DNMT1: variants seen among roughly 807,000 people sequenced by gnomAD.
DNMT1 encodes the protein DNA (cytosine-5)-methyltransferase 1.
DNMT1 carries 24 observed loss-of-function variants against 205.3 expected under a neutral mutation model. The observed-to-expected ratio is 0.12, with a 90% CI of 0.08 to 0.16. The LOEUF (loss-of-function observed/expected upper bound fraction) is 0.16, where lower values mean the gene tolerates loss of function less well. Among genes scored for constraint, DNMT1 ranks in the 10% least tolerant of loss-of-function variants. The probability of loss-of-function intolerance (pLI) is 1.00; values close to 1 mark genes in which losing one functional copy is unlikely to be tolerated. For missense variants in DNMT1, 1,293 were observed against 2,177.7 expected (o/e 0.59, Z 8.09); for synonymous variants, 817 against 839.8 (o/e 0.97, Z 0.47).
rs182727383 is a variant in DNMT1, at chr19:10,183,987, G to A, written c.81-1910C>T. Among the ~76,000 whole-genome samples the A allele has an allele frequency of 8.5e-5, 13 of 152,322 alleles. No homozygotes were observed. In the East Asian group the frequency reaches 2.1e-3, roughly 25 times the overall value. On this transcript the variant is annotated intron_variant, in intron 1 of 40. Coordinates refer to ENST00000359526, the MANE Select transcript of DNMT1 (RefSeq NM_001130823.3). Reference sequence around the variant, plus strand: ...GAAGATCACCTGAGCCTGGGAGGTCGAGGCCACAGTGAGCCGTGATTGCAT... The same window carrying A: ...GAAGATCACCTGAGCCTGGGAGGTCAAGGCCACAGTGAGCCGTGATTGCAT...
Position 10,140,513 on chromosome 19 carries a change from G to C in DNMT1, c.3524-185C>G, listed in dbSNP as rs2089580861. Reference sequence around the variant, plus strand: ...GCCTCCTGAGTAGCTGGGACTACAGGCACACACCACCACGCCCAGCTAATT... The same window carrying C: ...GCCTCCTGAGTAGCTGGGACTACAGCCACACACCACCACGCCCAGCTAATT... On this transcript the variant is annotated intron_variant, in intron 32 of 40. Coordinates refer to ENST00000359526, the MANE Select transcript of DNMT1 (RefSeq NM_001130823.3). The surrounding 1 kb of genome is among the most constrained non-coding windows in gnomAD (Gnocchi z 8.4). The C allele has an allele frequency of 2.1e-6, 2 of 948,488 alleles. No individual in the cohort carries two copies. Among genetic ancestry groups the C allele is most frequent in the Admixed American group, 4.6e-5 (2 of 43,654 alleles). 58.8% of individuals were successfully genotyped at this position (948,488 alleles called of 1,614,324 possible). A position where few individuals can be genotyped will look rare whatever the true frequency, so the allele number is the denominator to read the frequency against.
intron 22 of DNMT1, among the ~76,000 whole-genome samples, chr19:10,152,200 A>G (rs1267641084): frequency 1.3e-5 from 2 of 149,022 alleles, no homozygotes; most frequent in Non-Finnish European, 3.0e-5. Context: ...GGAAAAAAAA[A>G]GGGCAAATCA....
chr19:10,160,266 C>T (rs1412675553), intron 14 of DNMT1, 118 bp downstream of exon 14: 6 of 1,549,952 alleles, frequency 3.9e-6, no homozygotes, highest in Non-Finnish European at 5.3e-6. Flanking sequence ...TTCACCAACC[C>T]GATCCAAAAT....
chr19:10,182,364 T>C (rs2039066207), intron 1 of DNMT1, among the ~76,000 whole-genome samples: 1 of 150,348 alleles, frequency 6.7e-6, no homozygotes, highest in Non-Finnish European at 1.5e-5. Context: ...TGTGTATGTG[T>C]GTGTGTGTGT....
At chr19:10,141,993 C>A in intron 30 of DNMT1, 35 bp downstream of exon 30, 1 of 1,609,196 alleles carries the variant, frequency 6.2e-7, no homozygotes, top group Non-Finnish European at 8.5e-7. Flanking sequence ...CAACTTTGAC[C>A]CCGAAGCCTT....
intron 7 of DNMT1, among the ~76,000 whole-genome samples, chr19:10,175,133 A>G (rs2145364754): frequency 6.7e-6 from 1 of 149,568 alleles, no homozygotes; most frequent in East Asian, 2.0e-4. Context: ...ACACACATAT[A>G]TATAACATGT....
intron 13 of DNMT1, among the ~76,000 whole-genome samples, chr19:10,162,338 C>T (rs1044039797): frequency 2.6e-5 from 4 of 151,176 alleles, no homozygotes; most frequent in Non-Finnish European, 4.4e-5. Flanking sequence ...AGTGCGATCT[C>T]GGCTCACTGC....
In DNMT1 at chr19:10,173,843, A is replaced by G. The variant is rs370529070; in HGVS notation, c.683+28T>C. On this transcript the variant is annotated intron_variant, in intron 8 of 40. Coordinates refer to ENST00000359526, the MANE Select transcript of DNMT1 (RefSeq NM_001130823.3). ...TCAAGATTACACAACTCGTAGAACAAAAAGAAAGGTATAGTAACTATTCTT... is the reference window on the plus strand; with the variant it reads ...TCAAGATTACACAACTCGTAGAACAGAAAGAAAGGTATAGTAACTATTCTT... 71 of 1,612,900 alleles carry G rather than the reference A, an allele frequency of 4.4e-5. No individual in the cohort carries two copies. The African/African-American group carries it at 8.9e-4, about 20-fold the overall frequency.
At chr19:10,179,364 C>A (rs1018201460) in intron 5 of DNMT1, among the ~76,000 whole-genome samples, 2 of 151,574 alleles carry the variant, frequency 1.3e-5, no homozygotes, top group African/African-American at 2.4e-5. Context: ...GTTGCCCAGG[C>A]TGGAATTACA....
chr19:10,163,111 G>A (rs1322476924), intron 12 of DNMT1: 11 of 605,420 alleles, frequency 1.8e-5, no homozygotes, highest in East Asian at 1.7e-4. Context: ...ATAGGCACCC[G>A]CCACCACACC....
At position 10,139,648 on chromosome 19, in the gene DNMT1, G is replaced by C. The variant is rs377501892; in HGVS notation, c.3948+28C>G. 4.5e-5 allele frequency: 73 copies of C among 1,607,852 alleles called. No homozygotes were observed. In the African/African-American group the frequency reaches 7.9e-4, roughly 17 times the overall value. On this transcript the variant is annotated intron_variant, in intron 34 of 40. Coordinates refer to ENST00000359526, the MANE Select transcript of DNMT1 (RefSeq NM_001130823.3). The stretch of plus-strand genomic sequence containing the variant: ...GCCGGGTCACGTGCTGGCCACATCT[G>C]TCTGCCCGCCCCAGCCCCAGGGCCC...
chr19:10,136,084 C>G, intron 38 of DNMT1, 37 bp downstream of exon 38: 1 of 1,613,374 alleles, frequency 6.2e-7, no homozygotes, highest in Non-Finnish European at 8.5e-7. Flanking sequence ...AAGTACAGGG[C>G]CTGACCCAGG....
At chr19:10,160,485 T>C (rs1344709708) in intron 13 of DNMT1, 67 bp from the exon 14 acceptor site, 1 of 1,554,870 alleles carries the variant, frequency 6.4e-7, no homozygotes, top group Non-Finnish European at 8.9e-7. Flanking sequence ...AGTGCTTCGG[T>C]GTTAAGAACT....
At chr19:10,155,562 C>G (rs975003250) in intron 19 of DNMT1, among the ~76,000 whole-genome samples, 60 of 151,996 alleles carry the variant, frequency 3.9e-4, no homozygotes, top group African/African-American at 1.4e-3. Flanking sequence ...AGGCTGGTCT[C>G]GAATTCCTGG....
chr19:10,150,493 G>C (rs1003694059), intron 24 of DNMT1, among the ~76,000 whole-genome samples: 8 of 152,132 alleles, frequency 5.3e-5, no homozygotes, highest in African/African-American at 1.9e-4. Flanking sequence ...CCTCCTCCCA[G>C]CCCCCTACCC....
At chr19:10,135,493 C>A in intron 39 of DNMT1, 1 of 555,832 alleles carries the variant, frequency 1.8e-6, no homozygotes, top group East Asian at 3.1e-5. Context: ...GCGCGACGGA[C>A]TGTCCTTCTG....
chr19:10,154,441 G>C lies in DNMT1; in HGVS notation c.1871C>G (p.Thr624Ser), dbSNP rs761476734. ...CGTGGGTCCCCTGTCCTTCTCCCTG[G>C]TAGAATGCCTGATGGTCTGCCGCCT... ...QARRQTIRHS[T>S]REKDRGPTKA... The change falls in exon 22 of 41, where the codon ACC becomes AGC. Residue 624 changes from threonine (T) to serine (S), a missense_variant. Physicochemically the swap from Thr to Ser is moderately conservative, Grantham distance 58 (BLOSUM62 1). Transcript: ENST00000359526. The surrounding 1 kb of genome is among the most constrained non-coding windows in gnomAD (Gnocchi z 6.3). The C allele has an allele frequency of 1.9e-6, 3 of 1,614,212 alleles. No homozygotes were observed. Among genetic ancestry groups the C allele is most frequent in the Non-Finnish European group, 2.5e-6 (3 of 1,180,032 alleles).
At chr19:10,158,556 G>A (rs2038502893) in intron 17 of DNMT1, among the ~76,000 whole-genome samples, 1 of 152,242 alleles carries the variant, frequency 6.6e-6, no homozygotes, top group Admixed American at 6.5e-5. Flanking sequence ...CGAAGAACAA[G>A]GTGAAGCCCT....
chr19:10,167,378 T>G (rs762953718), intron 10 of DNMT1, among the ~76,000 whole-genome samples: 21 of 151,994 alleles, frequency 1.4e-4, no homozygotes, highest in South Asian at 4.2e-4. Context: ...TGTATTTTTA[T>G]TAGAGACGGG....
Sources: gnomAD v4.1 joint callset for allele counts (sites outside exome capture counted in the v4.1 genomes callset) on GRCh38, gnomAD v4.1.1 for gene constraint, Gnocchi (gnomAD v3.1) non-coding constraint, MANE v1.5 for transcripts, NCBI Gene and HGNC (gene_info 2026-07-23, HGNC 2026-07-21) for gene names.